The following CFAP46 variants were observed in gnomAD, a reference collection of about 807,000 sequenced individuals.
The protein encoded by CFAP46 is cilia- and flagella-associated protein 46.
Under a neutral mutation model 325.7 loss-of-function variants are expected in CFAP46, and 245 were observed. The observed-to-expected ratio is 0.75, with a 90% CI of 0.68 to 0.84. CFAP46 has a LOEUF of 0.84. CFAP46 is among the 40% of genes least tolerant of loss of function. CFAP46 has a pLI of 0.00. For missense variants in CFAP46, 3,346 were observed against 3,543.0 expected, an observed-to-expected ratio of 0.94 and a Z score of 1.41; for synonymous variants, 1,523 against 1,495.9, an observed-to-expected ratio of 1.02 and a Z score of -0.42.
chr10:132,892,181 G>C (rs1349789026), intron 25 of CFAP46, among the ~76,000 whole-genome samples, 152 bp downstream of exon 25: 1 of 152,220 alleles, frequency 6.6e-6, no homozygotes, highest in Non-Finnish European at 1.5e-5. Context: ...CGCCTGGCAT[G>C]CATCAGATGC....
chr10:132,885,153 T>C lies in CFAP46; in HGVS notation c.3577A>G (p.Ser1193Gly), dbSNP rs1239183726. 6.5e-7 allele frequency: 1 copy of C among 1,550,334 alleles called. No individual in the cohort carries two copies. Among genetic ancestry groups the C allele is most frequent in the Non-Finnish European group, 8.7e-7 (1 of 1,146,922 alleles). Residue 1193 changes from serine to glycine, a missense_variant, in exon 27 of 58, where the codon AGC becomes GGC. By Grantham distance (56) the Ser-to-Gly change is moderately conservative (BLOSUM62 0). Transcript: ENST00000368586. ...MWHRLALNSP[S>G]VSGELACYNN... Reference sequence around the variant, plus strand: ...TAGCAGGCCAGCTCTCCAGACACGCTCGGCGAGTTCAGGGCCAGGCGGTGC... The same window carrying C: ...TAGCAGGCCAGCTCTCCAGACACGCCCGGCGAGTTCAGGGCCAGGCGGTGC...
Position 132,909,221 on chromosome 10 carries a change from C to T in CFAP46, c.2673G>A (p.Ser891=), listed in dbSNP as rs1027284745. The change falls in exon 21 of 58, where the codon TCG becomes TCA. Residue 891 remains serine (S), a synonymous_variant. Transcript: ENST00000368586. ...EEQGTNEDVS[S]VTRVLVALEM... is the part of the protein sequence containing the mutation. ...CCAAGGCAACGAGGACTCTGGTCAC[C>T]GAGCTGACATCCTCATTGGTGCCCT... 19 of 1,550,154 alleles carry T rather than the reference C, an allele frequency of 1.2e-5. No homozygotes were observed. Among genetic ancestry groups the T allele is most frequent in the Admixed American group, 3.9e-5 (2 of 50,980 alleles).
In CFAP46 at chr10:132,916,662, C is replaced by G; in HGVS notation, c.2007G>C (p.Arg669=). 1 of 1,492,982 alleles carries G rather than the reference C, an allele frequency of 6.7e-7. No individual in the cohort carries two copies. The highest frequency in any genetic ancestry group is 9.0e-7 in the Non-Finnish European group (1 of 1,116,640). 92.5% of individuals were successfully genotyped at this position (1,492,982 alleles called of 1,614,324 possible). Residue 669 remains arginine, a synonymous_variant, in exon 17 of 58, where the codon CGG becomes CGC. Transcript: ENST00000368586. ...IHAEATVHLL[R]SEGVELNDRA... is the part of the protein sequence containing the mutation. The stretch of plus-strand genomic sequence containing the variant: ...GGTCATTCAGCTCTACACCTTCTGA[C>G]CGCAGCAAATGAACCGTGGCCTGCA...
intron 25 of CFAP46, among the ~76,000 whole-genome samples, chr10:132,891,568 G>A (rs963447928): frequency 2.0e-4 from 31 of 152,314 alleles, no homozygotes; most frequent in African/African-American, 6.0e-4. Flanking sequence ...GAAGGGGCCC[G>A]CACAGCTGTC....
chr10:132,862,780 G>A (rs1432251308), intron 35 of CFAP46, among the ~76,000 whole-genome samples: 6 of 151,542 alleles, frequency 4.0e-5, no homozygotes, highest in Non-Finnish European at 7.4e-5. Context: ...GCCGGCCTCG[G>A]GGAGCAGGTT....
At chr10:132,836,789 C>CGGCCTCAA (rs1564772462) in intron 45 of CFAP46, 28 bp downstream of exon 45, 1 of 1,580,984 alleles carries the variant, frequency 6.3e-7, no homozygotes, top group Admixed American at 1.7e-5. Context: ...GGGCTGGGGG[C>CGGCCTCAA]GGCCTCAACA....
chr10:132,820,714 GCTGATGTGTGCTGTGTGTGCA>G (rs1177214453), intron 50 of CFAP46, among the ~76,000 whole-genome samples: 1,676 of 73,908 alleles, frequency 0.023, 62 homozygotes, highest in Non-Finnish European at 0.039. Flanking sequence ...CTGTGTGTGC[GCTGATGTGTGCTGTGTGTGCA>G]CTGATGTGTG....
Position 132,941,701 on chromosome 10 carries a change from C to T in CFAP46, c.196G>A (p.Glu66Lys), listed in dbSNP as rs778685822. 1.7e-5 allele frequency: 28 copies of T among 1,613,864 alleles called. No individual in the cohort carries two copies. The Admixed American group carries it at 2.7e-4, about 15-fold the overall frequency. Residue 66 changes from glutamate (E) to lysine (K), a missense_variant, in exon 3 of 58, where the codon GAG (glutamate) becomes AAG (lysine). Coordinates refer to ENST00000368586, the MANE Select transcript of CFAP46 (RefSeq NM_001200049.3). ...TTGAAGTACATTTGGATGCAGTCCTCGCTCACCTCTGGCTGCCTCATCTGC... is the reference window on the plus strand; with the variant it reads ...TTGAAGTACATTTGGATGCAGTCCTTGCTCACCTCTGGCTGCCTCATCTGC... ...ALKMRQPEVS[E>K]DCIQMYFKVK...
rs532662252 is a variant in CFAP46 at position 132,891,806 on chromosome 10, C to T, written c.3304+527G>A. Among the ~76,000 whole-genome samples, 32 of 152,356 alleles carry T rather than the reference C, an allele frequency of 2.1e-4. No homozygotes were observed. The South Asian group carries it at 5.6e-3, about 27-fold the overall frequency. On this transcript the variant is annotated intron_variant, in intron 25 of 57. Coordinates refer to ENST00000368586, the MANE Select transcript of CFAP46 (RefSeq NM_001200049.3). The stretch of plus-strand genomic sequence containing the variant: ...TTGATTCCAGGTCTTTAGATAATAA[C>T]TCTTTCAACAAATTGTCAATCAGAA...
At chr10:132,938,478 GT>G (rs1850045429) in intron 5 of CFAP46, 110 bp downstream of exon 5, 1 of 1,037,640 alleles carries the variant, frequency 9.6e-7, no homozygotes, top group Non-Finnish European at 1.4e-6. Flanking sequence ...CACATGGAGT[GT>G]GCCCCAGTGA....
chr10:132,872,385 T>A (rs1235222038), intron 32 of CFAP46: 2 of 388,028 alleles, frequency 5.2e-6, no homozygotes, highest in Non-Finnish European at 9.8e-6. Context: ...TCCTGAGTAG[T>A]TGCGACAACA....
chr10:132,940,895 G>C, intron 4 of CFAP46, 101 bp downstream of exon 4: 1 of 1,196,106 alleles, frequency 8.4e-7, no homozygotes, highest in Non-Finnish European at 1.2e-6. Flanking sequence ...CCACAAACGA[G>C]GGGAAACCCC....
Position 132,929,656 on chromosome 10 carries a change from C to T in CFAP46, c.966+49G>A, listed in dbSNP as rs7907431. On this transcript the variant is annotated intron_variant, in intron 9 of 57. Transcript: ENST00000368586. ...TTTCTTTGCCTTTTGTCCAACTGCACGGTGAGCAGCGCCTCATCCCCAGGC... is the reference window on the plus strand; with the variant it reads ...TTTCTTTGCCTTTTGTCCAACTGCATGGTGAGCAGCGCCTCATCCCCAGGC... 2,745 of 1,533,636 alleles carry T rather than the reference C, an allele frequency of 1.8e-3. 52 individuals are homozygous for T. In the African/African-American group the frequency reaches 0.034, roughly 19 times the overall value.
At position 132,877,680 on chromosome 10, in the gene CFAP46, C is replaced by T. The variant is rs567872223; in HGVS notation, c.4212+201G>A. ...GAGAAACTGAGGCACAGAGGCCAGC[C>T]GGGGCCCAGCCTCTGCACTGAGGCC... On this transcript the variant is annotated intron_variant, in intron 30 of 57. Coordinates refer to ENST00000368586, the MANE Select transcript of CFAP46 (RefSeq NM_001200049.3). This position sits in a 1 kb window ranked among gnomAD's most constrained non-coding sequence, Gnocchi z 5.7. 3.3e-5 allele frequency among the ~76,000 whole-genome samples: 5 copies of T among 152,216 alleles called. No individual in the cohort carries two copies. In the South Asian group the frequency reaches 6.2e-4, roughly 19 times the overall value.
chr10:132,825,259 AGTGCTGATGTGTGCTGTGTGT>A (rs1848025045), intron 50 of CFAP46, among the ~76,000 whole-genome samples: 1 of 71,518 alleles, frequency 1.4e-5, no homozygotes, highest in South Asian at 4.6e-4. Flanking sequence ...GTGCTGTGTG[AGTGCTGATGTGTGCTGTGTGT>A]GTGCTGATGT....
chr10:132,842,292 A>G (rs1170192645), intron 44 of CFAP46, among the ~76,000 whole-genome samples: 3 of 152,218 alleles, frequency 2.0e-5, no homozygotes, highest in Non-Finnish European at 4.4e-5. Context: ...AGTCTTTGCT[A>G]ATTTATGACG....
intron 35 of CFAP46, among the ~76,000 whole-genome samples, chr10:132,864,085 G>A (rs114612413): frequency 0.02 from 1,711 of 84,274 alleles, 15 homozygotes; most frequent in South Asian, 0.062. Context: ...ACCTGTCCCC[G>A]GTGTCTGAGA....
chr10:132,848,726 G>A (rs1037479146), intron 41 of CFAP46, among the ~76,000 whole-genome samples: 2 of 152,148 alleles, frequency 1.3e-5, no homozygotes, highest in Admixed American at 6.5e-5. Context: ...TGTGAAAATG[G>A]CAGCCCACTC....
In CFAP46 at chr10:132,892,403, C is replaced by T. The variant is rs182956897; in HGVS notation, c.3234G>A (p.Thr1078=). The T allele has an allele frequency of 1.1e-4, 169 of 1,550,872 alleles. 2 individuals are homozygous for T. Among genetic ancestry groups the T allele is most frequent in the East Asian group, 9.8e-4 (40 of 40,924 alleles). Residue 1078 remains threonine, a synonymous_variant, in exon 25 of 58, where the codon ACG becomes ACA. Transcript: ENST00000368586. ...TEARKQEKGK[T]LLLHQWPTAD... ...CCGTGGGCCACTGGTGCAGAAGCAG[C>T]GTCTTTCCTTTCTCCTAAAGTAACG...
Sources: gnomAD v4.1 joint callset for allele counts (sites outside exome capture counted in the v4.1 genomes callset) on GRCh38, gnomAD v4.1.1 for gene constraint, Gnocchi (gnomAD v3.1) non-coding constraint, MANE v1.5 for transcripts, NCBI Gene and HGNC (gene_info 2026-07-23, HGNC 2026-07-21) for gene names.